TMTC1: variants seen among roughly 807,000 people sequenced by gnomAD.
TMTC1 encodes the protein protein O-mannosyl-transferase TMTC1.
TMTC1 carries 73 observed loss-of-function variants against 104.8 expected under a neutral mutation model. That is an observed-to-expected ratio of 0.70 (90% CI 0.58 to 0.85). The LOEUF is 0.85. TMTC1 is among the 40% of genes least tolerant of loss of function. The pLI is 0.00. For synonymous variants in TMTC1, 434 were observed against 428.7 expected (o/e 1.01, Z -0.15); for missense variants, 1,035 against 1,096.1 (o/e 0.94, Z 0.79).
intron 7 of TMTC1, among the ~76,000 whole-genome samples, chr12:29,584,947 A>G (rs1234998284): frequency 6.6e-6 from 1 of 150,604 alleles, no homozygotes; most frequent in African/African-American, 2.5e-5. Flanking sequence ...TCCTTTGGGT[A>G]TATACCCAGT....
chr12:29,728,755 T>C lies in TMTC1; in HGVS notation c.938+22911A>G, dbSNP rs7294927. Among the ~76,000 whole-genome samples, 600 of 151,688 alleles carry C rather than the reference T, an allele frequency of 4.0e-3. 2 individuals are homozygous for C. The highest frequency in any genetic ancestry group is 0.014 in the African/African-American group (580 of 41,338). ...GGCTTACGCCTGTAATCTCAGCACTTTGGGAGGCCAAGGGAGGTGGATCAC... is the reference window on the plus strand; with the variant it reads ...GGCTTACGCCTGTAATCTCAGCACTCTGGGAGGCCAAGGGAGGTGGATCAC... On this transcript the variant is annotated intron_variant, in intron 5 of 17. Transcript: ENST00000539277.
chr12:29,643,731 TA>T (rs530034849), intron 5 of TMTC1, among the ~76,000 whole-genome samples: 3 of 39,950 alleles, frequency 7.5e-5, no homozygotes, highest in African/African-American at 2.3e-4. Flanking sequence ...TATAAATATA[TA>T]TTATAATAAA....
intron 16 of TMTC1, 62 bp downstream of exon 16, chr12:29,514,420 A>G: frequency 6.5e-7 from 1 of 1,538,150 alleles, no homozygotes; most frequent in Non-Finnish European, 8.8e-7. Context: ...TTCCTTAAAG[A>G]TCAAAAGACA....
intron 5 of TMTC1, among the ~76,000 whole-genome samples, chr12:29,640,092 C>G (rs1001705701): frequency 1.3e-5 from 2 of 152,168 alleles, no homozygotes; most frequent in Non-Finnish European, 2.9e-5. Flanking sequence ...TGCTTCAGCA[C>G]CTGGGACCCA....
At chr12:29,648,771 C>T (rs917507720) in intron 5 of TMTC1, among the ~76,000 whole-genome samples, 26 of 152,106 alleles carry the variant, frequency 1.7e-4, no homozygotes, top group Admixed American at 1.3e-4. Flanking sequence ...GAATTAGTTT[C>T]GGAAATATAT....
At chr12:29,602,291 C>A (rs1008237716) in intron 7 of TMTC1, among the ~76,000 whole-genome samples, 3 of 152,108 alleles carry the variant, frequency 2.0e-5, no homozygotes, top group African/African-American at 7.2e-5. Context: ...ACAAGTGCAT[C>A]CCACAACATC....
intron 5 of TMTC1, among the ~76,000 whole-genome samples, chr12:29,677,115 G>C (rs765964356): frequency 6.6e-6 from 1 of 152,174 alleles, no homozygotes; most frequent in African/African-American, 2.4e-5. Flanking sequence ...CCACCTTCAA[G>C]AAAACAGCAT....
chr12:29,721,049 AT>A (rs1305476339), intron 5 of TMTC1, among the ~76,000 whole-genome samples: 2 of 152,190 alleles, frequency 1.3e-5, no homozygotes, highest in Non-Finnish European at 2.9e-5. Flanking sequence ...CCCTAAAAAA[AT>A]CTTCCAAAAA....
At chr12:29,519,216 AC>A (rs1213096956) in intron 12 of TMTC1, 1 of 151,402 alleles carries the variant, frequency 6.6e-6, no homozygotes, top group African/African-American at 2.5e-5. Flanking sequence ...TTAAATACTT[AC>A]ATTTGTATGG....
intron 5 of TMTC1, 133 bp downstream of exon 5, chr12:29,751,533 T>C: frequency 1.1e-6 from 1 of 873,222 alleles, no homozygotes; most frequent in Non-Finnish European, 1.9e-6. Flanking sequence ...AAGAAGGGGG[T>C]AAGGAGGGAA....
intron 5 of TMTC1, among the ~76,000 whole-genome samples, chr12:29,699,755 C>G (rs1039533882): frequency 2.7e-5 from 4 of 148,612 alleles, no homozygotes; most frequent in African/African-American, 5.0e-5. Context: ...CGGGCTCAAG[C>G]GATCCTCCTG....
intron 5 of TMTC1, among the ~76,000 whole-genome samples, chr12:29,737,091 G>A (rs1461148751): frequency 1.3e-5 from 2 of 152,216 alleles, no homozygotes; most frequent in African/African-American, 2.4e-5. Flanking sequence ...CGTCGCACCC[G>A]ACATTTCACT....
intron 10 of TMTC1, among the ~76,000 whole-genome samples, chr12:29,538,857 A>G (rs955646948): frequency 7.2e-5 from 11 of 152,234 alleles, no homozygotes; most frequent in African/African-American, 2.4e-4. Context: ...TACAAGATGC[A>G]AAGACTCTGG....
chr12:29,679,276 T>TTA (rs147519976), intron 5 of TMTC1, among the ~76,000 whole-genome samples: 12,009 of 152,168 alleles, frequency 0.079, 666 homozygotes, highest in South Asian at 0.17. Context: ...AGCAAAACAA[T>TTA]AATAGAGGTT....
At position 29,684,948 on chromosome 12, in the gene TMTC1, A is replaced by G. The variant is rs1941044164; in HGVS notation, c.939-51612T>C. Reference sequence around the variant, plus strand: ...TCAGACGTGGTATGTTGTTTTTAATAAAATTCTACAAACCTTTTTTCCCTT... The same window carrying G: ...TCAGACGTGGTATGTTGTTTTTAATGAAATTCTACAAACCTTTTTTCCCTT... On this transcript the variant is annotated intron_variant, in intron 5 of 17. Transcript: ENST00000539277. 4.6e-5 allele frequency among the ~76,000 whole-genome samples: 7 copies of G among 152,240 alleles called. 1 individual carries two copies. Among genetic ancestry groups the G allele is most frequent in the Admixed American group, 4.6e-4 (7 of 15,284 alleles).
chr12:29,627,795 G>T (rs955500757), intron 6 of TMTC1, among the ~76,000 whole-genome samples: 1 of 151,904 alleles, frequency 6.6e-6, no homozygotes, highest in African/African-American at 2.4e-5. Flanking sequence ...AAATATTCTG[G>T]CATATTTACT....
chr12:29,535,797 G>C (rs1008060747), intron 11 of TMTC1: 1 of 171,900 alleles, frequency 5.8e-6, no homozygotes, highest in Non-Finnish European at 1.2e-5. Flanking sequence ...TCTCTCACGA[G>C]CCTCTGTAAT....
At position 29,512,062 on chromosome 12, in the gene TMTC1, C is replaced by G; in HGVS notation, c.2489G>C (p.Gly830Ala). The G allele has an allele frequency of 2.5e-6, 4 of 1,614,066 alleles. No homozygotes were observed. The highest frequency in any genetic ancestry group is 3.4e-6 in the Non-Finnish European group (4 of 1,179,938). Residue 830 changes from glycine to alanine, a missense_variant, in exon 17 of 18, where the codon GGT (glycine) becomes GCT (alanine). Gly to Ala is a moderately conservative substitution (Grantham distance 60, BLOSUM62 0). Coordinates refer to ENST00000539277, the MANE Select transcript of TMTC1 (RefSeq NM_001193451.2). ...PDQAQAWMNM[G>A]GIQHIKGKYV... ...TCCTACCTTGATGTGTTGGATGCCA[C>G]CCATGTTCATCCAGGCCTGTGCTTG...
intron 5 of TMTC1, among the ~76,000 whole-genome samples, chr12:29,700,444 C>T (rs1941555832): frequency 6.6e-6 from 1 of 151,986 alleles, no homozygotes; most frequent in Non-Finnish European, 1.5e-5. Context: ...TTAATATCCT[C>T]CCACCTTGAT....
Sources: gnomAD v4.1 joint callset for allele counts (sites outside exome capture counted in the v4.1 genomes callset) on GRCh38, gnomAD v4.1.1 for gene constraint, MANE v1.5 for transcripts, NCBI Gene and HGNC (gene_info 2026-07-23, HGNC 2026-07-21) for gene names.